NRG3: variants seen among roughly 807,000 people sequenced by gnomAD.
The protein encoded by NRG3 is pro-neuregulin-3, membrane-bound isoform.
A neutral mutation model predicts 66.9 loss-of-function variants in NRG3; 31 were observed. The observed-to-expected ratio is 0.46, with a 90% CI of 0.35 to 0.63. NRG3 has a LOEUF of 0.63. NRG3 is among the 20% of genes least tolerant of loss of function. The probability of loss-of-function intolerance (pLI) is 0.00; values close to 1 mark genes in which losing one functional copy is unlikely to be tolerated. For synonymous variants in NRG3, 393 were observed against 359.4 expected (o/e 1.09, Z -1.06); for missense variants, 910 against 878.9 (o/e 1.04, Z -0.45).
intron 2 of NRG3, among the ~76,000 whole-genome samples, chr10:82,571,885 A>T (rs1205662771): frequency 2.0e-5 from 3 of 151,706 alleles, no homozygotes; most frequent in Non-Finnish European, 4.4e-5. Flanking sequence ...TTCTTGAAAG[A>T]TACATTAAAA....
chr10:82,227,097 C>T (rs1488772704), intron 1 of NRG3, among the ~76,000 whole-genome samples: 2 of 152,136 alleles, frequency 1.3e-5, no homozygotes, highest in Non-Finnish European at 2.9e-5. Context: ...TCAGGTCTCT[C>T]ATGGTCCAGA....
chr10:82,028,405 C>G (rs1453865839), intron 1 of NRG3, among the ~76,000 whole-genome samples: 1 of 152,068 alleles, frequency 6.6e-6, no homozygotes, highest in Non-Finnish European at 1.5e-5. Flanking sequence ...AATAGTCTCA[C>G]TCTCATTGGG....
intron 3 of NRG3, among the ~76,000 whole-genome samples, chr10:82,807,328 G>A (rs72819675): frequency 0.072 from 11,030 of 152,172 alleles, 398 homozygotes; most frequent in Middle Eastern, 0.11. Flanking sequence ...ATCAATTTGA[G>A]CAAGTAAACT....
At chr10:82,760,136 G>A (rs781510814) in intron 3 of NRG3, among the ~76,000 whole-genome samples, 25 of 152,220 alleles carry the variant, frequency 1.6e-4, no homozygotes, top group South Asian at 6.2e-4. Flanking sequence ...TTTACTCTCA[G>A]CATGTAGCAT....
intron 2 of NRG3, among the ~76,000 whole-genome samples, chr10:82,388,419 T>G (rs2086147710): frequency 6.6e-6 from 1 of 152,176 alleles, no homozygotes; most frequent in Non-Finnish European, 1.5e-5. Context: ...TATTGGTGAC[T>G]AGTGGAGAAG....
chr10:82,146,447 G>T (rs1253066800), intron 1 of NRG3, among the ~76,000 whole-genome samples: 1 of 151,550 alleles, frequency 6.6e-6, no homozygotes, highest in Admixed American at 6.6e-5. Flanking sequence ...AGATTCTCAG[G>T]GCTCAGTCAT....
intron 1 of NRG3, among the ~76,000 whole-genome samples, chr10:82,036,266 G>T (rs543955369): frequency 1.3e-5 from 2 of 152,182 alleles, no homozygotes; most frequent in African/African-American, 4.8e-5. Flanking sequence ...CTTTAAACTA[G>T]ATAAACATAC....
chr10:82,215,297 A>G (rs2075609587), intron 1 of NRG3, among the ~76,000 whole-genome samples: 1 of 152,194 alleles, frequency 6.6e-6, no homozygotes, highest in African/African-American at 2.4e-5. Context: ...TATGGCTTTT[A>G]TAAGTAATAT....
chr10:82,069,858 C>T (rs1007704949), intron 1 of NRG3, among the ~76,000 whole-genome samples: 1 of 152,214 alleles, frequency 6.6e-6, no homozygotes, highest in South Asian at 2.1e-4. Flanking sequence ...TCACAAGAAA[C>T]AGAAACTTCA....
chr10:82,173,951 C>T (rs1007181058), intron 1 of NRG3, among the ~76,000 whole-genome samples: 2 of 152,072 alleles, frequency 1.3e-5, no homozygotes, highest in African/African-American at 2.4e-5. Context: ...TATATTTGGT[C>T]TACTTTGAAG....
chr10:82,060,295 A>T (rs941779244), intron 1 of NRG3, among the ~76,000 whole-genome samples: 1 of 152,200 alleles, frequency 6.6e-6, no homozygotes, highest in African/African-American at 2.4e-5. Context: ...GCATGCATGA[A>T]TGTTTAAATA....
chr10:82,577,864 T>G (rs1370305292), intron 2 of NRG3, among the ~76,000 whole-genome samples: 1 of 151,856 alleles, frequency 6.6e-6, no homozygotes, highest in Non-Finnish European at 1.5e-5. Context: ...TTATTTTCTC[T>G]CATGGCTTTG....
At chr10:82,682,175 G>T (rs1377574930) in intron 2 of NRG3, among the ~76,000 whole-genome samples, 1 of 152,188 alleles carries the variant, frequency 6.6e-6, no homozygotes, top group Non-Finnish European at 1.5e-5. Flanking sequence ...CTCTTCTCTT[G>T]AAGCACCATG....
chr10:82,030,972 A>G (rs965883271), intron 1 of NRG3, among the ~76,000 whole-genome samples: 4 of 152,158 alleles, frequency 2.6e-5, no homozygotes, highest in African/African-American at 9.6e-5. Flanking sequence ...ACCTCCCAAA[A>G]TACCTGATTA....
chr10:82,327,639 CCTTT>C (rs1314201668), intron 1 of NRG3, among the ~76,000 whole-genome samples: 2 of 152,144 alleles, frequency 1.3e-5, no homozygotes, highest in Admixed American at 1.3e-4. Context: ...AATGCGATTG[CCTTT>C]CTTTGTGTTC....
chr10:82,090,622 T>A lies in NRG3; in HGVS notation c.823+214459T>A, dbSNP rs553750616. On this transcript the variant is annotated intron_variant, in intron 1 of 8. Coordinates refer to ENST00000372141, the MANE Select transcript of NRG3 (RefSeq NM_001010848.4). ...ACAGCATGATGCTGCCATATTTGAA[T>A]AAAGAAGGGACGAGTGGATTGCCTA... Among the ~76,000 whole-genome samples the A allele has an allele frequency of 1.3e-4, 20 of 152,270 alleles. No individual in the cohort carries two copies. In the South Asian group the frequency reaches 4.1e-3, roughly 32 times the overall value.
intron 1 of NRG3, among the ~76,000 whole-genome samples, chr10:82,109,563 G>GTC (rs1257950794): frequency 7.4e-6 from 1 of 135,152 alleles, no homozygotes; most frequent in African/African-American, 2.9e-5. Context: ...GTGTGTGTGT[G>GTC]TGTGTGTGTG....
chr10:82,708,991 G>A (rs1350757877), intron 2 of NRG3, among the ~76,000 whole-genome samples: 2 of 152,052 alleles, frequency 1.3e-5, no homozygotes, highest in South Asian at 4.2e-4. Context: ...GGTTTTATAC[G>A]GTAGTGATTC....
intron 3 of NRG3, among the ~76,000 whole-genome samples, chr10:82,740,078 C>T (rs2058347845): frequency 6.7e-6 from 1 of 149,868 alleles, no homozygotes; most frequent in African/African-American, 2.5e-5. Flanking sequence ...TGTTTTTATC[C>T]CTTCTCTTTT....
Sources: allele counts gnomAD v4.1 joint callset (sites outside exome capture counted in the v4.1 genomes callset), GRCh38; gene constraint gnomAD v4.1.1; transcripts MANE v1.5; gene names NCBI Gene and HGNC (gene_info 2026-07-23, HGNC 2026-07-21).